DNM3: variants seen among roughly 807,000 people sequenced by gnomAD.
DNM3 encodes the protein dynamin 3, also known as dynamin-3.
DNM3 carries 47 observed loss-of-function variants against 101.6 expected under a neutral mutation model. The observed-to-expected ratio is 0.46, with a 90% CI of 0.37 to 0.59. The LOEUF (loss-of-function observed/expected upper bound fraction) is 0.59, where lower values mean the gene tolerates loss of function less well. Ranked by LOEUF, DNM3 falls within the 20% of genes least tolerant of loss-of-function variation. The pLI is 0.00. For synonymous variants in DNM3, 385 were observed against 387.9 expected, an observed-to-expected ratio of 0.99 and a Z score of 0.09; for missense variants, 849 against 1,085.7, an observed-to-expected ratio of 0.78 and a Z score of 3.06.
intron 17 of DNM3, among the ~76,000 whole-genome samples, chr1:172,330,425 A>T (rs1432651998): frequency 6.6e-6 from 1 of 152,120 alleles, no homozygotes; most frequent in Non-Finnish European, 1.5e-5. Context: ...ATAGGATGAG[A>T]TATATACATA....
intron 7 of DNM3, 95 bp from the exon 8 acceptor site, chr1:172,041,914 G>A: frequency 7.1e-7 from 1 of 1,411,238 alleles, no homozygotes; most frequent in Admixed American, 2.6e-5. Flanking sequence ...AGAGCACCTG[G>A]AAAAGGATTC....
chr1:172,046,930 T>C (rs186274909), intron 9 of DNM3, among the ~76,000 whole-genome samples: 240 of 152,324 alleles, frequency 1.6e-3, no homozygotes, highest in African/African-American at 5.6e-3. Flanking sequence ...ACAGCTTTTG[T>C]CAAATATAAC....
chr1:172,370,212 CT>C (rs2068252190), intron 17 of DNM3: 1 of 151,820 alleles, frequency 6.6e-6, no homozygotes, highest in African/African-American at 2.4e-5. Context: ...TTTATTGTTA[CT>C]TTTTAAAATA....
chr1:171,872,020 C>T (rs1459885362), intron 1 of DNM3, among the ~76,000 whole-genome samples: 3 of 151,786 alleles, frequency 2.0e-5, no homozygotes, highest in Admixed American at 2.0e-4. Context: ...GAGCTATGGC[C>T]ATTGAGCTCA....
intron 14 of DNM3, among the ~76,000 whole-genome samples, chr1:172,164,232 C>CTTTTTTTTTTTTTTTTTTT (rs3980440): frequency 7.9e-6 from 1 of 126,648 alleles, no homozygotes; most frequent in Admixed American, 8.2e-5. Flanking sequence ...CTTTTCTTTT[C>CTTTTTTTTTTTTTTTTTTT]TTTTTTTTTT....
intron 14 of DNM3, among the ~76,000 whole-genome samples, chr1:172,140,952 T>C (rs1318528803): frequency 6.6e-6 from 1 of 152,056 alleles, no homozygotes; most frequent in Non-Finnish European, 1.5e-5. Flanking sequence ...CTTAAAATAC[T>C]AGCTAAAACA....
rs1355014014 is a variant in DNM3 at position 172,280,493 on chromosome 1, T to C, written c.1769+26811T>C. Among the ~76,000 whole-genome samples, 4 of 152,304 alleles carry C rather than the reference T, an allele frequency of 2.6e-5. No individual in the cohort carries two copies. The East Asian group carries it at 7.7e-4, about 29-fold the overall frequency. On this transcript the variant is annotated intron_variant, in intron 15 of 20. Coordinates refer to ENST00000627582, the MANE Select transcript of DNM3 (RefSeq NM_015569.5). ...GAGCATGTGAGTGAATACATGTTAG[T>C]CTTGATTATGAATATGCTACAGCTT...
chr1:171,990,009 A>C (rs992001406), intron 4 of DNM3, among the ~76,000 whole-genome samples: 1 of 152,064 alleles, frequency 6.6e-6, no homozygotes, highest in Non-Finnish European at 1.5e-5. Flanking sequence ...GCAAGATTTT[A>C]TCAACTTTAT....
intron 15 of DNM3, among the ~76,000 whole-genome samples, chr1:172,284,829 T>C (rs1182481579): frequency 6.6e-6 from 1 of 152,124 alleles, no homozygotes; most frequent in Non-Finnish European, 1.5e-5. Context: ...TTTTACCACC[T>C]CTGAGGACAA....
At chr1:171,914,491 A>G (rs1312155229) in intron 1 of DNM3, among the ~76,000 whole-genome samples, 1 of 152,204 alleles carries the variant, frequency 6.6e-6, no homozygotes, top group Non-Finnish European at 1.5e-5. Flanking sequence ...AAAATTTTAA[A>G]AATATATTGG....
At chr1:172,227,492 T>G (rs908015756) in intron 14 of DNM3, among the ~76,000 whole-genome samples, 2 of 151,880 alleles carry the variant, frequency 1.3e-5, no homozygotes, top group Non-Finnish European at 2.9e-5. Flanking sequence ...TACTTTTGTT[T>G]GAGAGATCTC....
intron 4 of DNM3, among the ~76,000 whole-genome samples, chr1:172,000,443 C>A (rs1184942773): frequency 6.6e-6 from 1 of 152,064 alleles, no homozygotes. Context: ...TGTCAGTTTT[C>A]CCCAGTTCTC....
At chr1:172,075,187 G>A (rs1347915932) in intron 11 of DNM3, among the ~76,000 whole-genome samples, 3 of 151,040 alleles carry the variant, frequency 2.0e-5, no homozygotes, top group South Asian at 2.1e-4. Flanking sequence ...ATTTGTATAC[G>A]TTCTTTGTAA....
chr1:172,223,236 C>T lies in DNM3; in HGVS notation c.1660-30337C>T, dbSNP rs532063055. Among the ~76,000 whole-genome samples, 195 of 151,550 alleles carry T rather than the reference C, an allele frequency of 1.3e-3. 1 individual carries two copies. The highest frequency in any genetic ancestry group is 4.6e-3 in the African/African-American group (191 of 41,412). ...CTTCCCATCCTGCCCCTAACCCCAC[C>T]TCTCCAGTCTCTGGTATCAGTTTCT... On this transcript the variant is annotated intron_variant, in intron 14 of 20. Coordinates refer to ENST00000627582, the MANE Select transcript of DNM3 (RefSeq NM_015569.5).
chr1:172,156,157 G>A (rs2058329830), intron 14 of DNM3, among the ~76,000 whole-genome samples: 1 of 152,088 alleles, frequency 6.6e-6, no homozygotes, highest in East Asian at 1.9e-4. Context: ...AAAAATGTTA[G>A]CTTCAGGGAT....
At chr1:172,289,786 G>A in intron 15 of DNM3, 2 of 985,146 alleles carry the variant, frequency 2.0e-6, no homozygotes, top group South Asian at 4.7e-5. Context: ...TTATACTTTT[G>A]AGTTACTATT....
At chr1:171,943,392 C>G (rs114032044) in intron 2 of DNM3, among the ~76,000 whole-genome samples, 1 of 152,214 alleles carries the variant, frequency 6.6e-6, no homozygotes, top group South Asian at 2.1e-4. Flanking sequence ...TACCCACCTC[C>G]GTTTTGGAAT....
At chr1:172,362,146 GAAA>G (rs2067773645) in intron 17 of DNM3, among the ~76,000 whole-genome samples, 2 of 151,848 alleles carry the variant, frequency 1.3e-5, no homozygotes, top group Admixed American at 1.3e-4. Context: ...TTGTTAAAAA[GAAA>G]AATTCCACTT....
intron 14 of DNM3, among the ~76,000 whole-genome samples, chr1:172,214,077 T>G (rs2060608456): frequency 6.6e-6 from 1 of 152,178 alleles, no homozygotes; most frequent in South Asian, 2.1e-4. Context: ...TATTATATGC[T>G]TCTTACATCT....
Sources: allele counts gnomAD v4.1 joint callset (sites outside exome capture counted in the v4.1 genomes callset), GRCh38; gene constraint gnomAD v4.1.1; transcripts MANE v1.5; gene names NCBI Gene and HGNC (gene_info 2026-07-23, HGNC 2026-07-21).